The following LRMDA variants were observed in gnomAD, a reference collection of about 807,000 sequenced individuals.
LRMDA encodes leucine-rich melanocyte differentiation-associated protein.
LRMDA carries 18 observed loss-of-function variants against 29.8 expected under a neutral mutation model. The observed-to-expected ratio is 0.60, with a 90% CI of 0.42 to 0.90. LRMDA has a LOEUF of 0.90. Ranked by LOEUF, LRMDA falls within the 40% of genes least tolerant of loss-of-function variation. The pLI, the probability that LRMDA is intolerant of heterozygous loss-of-function variation, is 0.00. For missense variants in LRMDA, 273 were observed against 273.9 expected, an observed-to-expected ratio of 1.00 and a Z score of 0.02; for synonymous variants, 125 against 109.4, an observed-to-expected ratio of 1.14 and a Z score of -0.89.
intron 2 of LRMDA, among the ~76,000 whole-genome samples, chr10:75,906,097 C>A (rs1032346140): frequency 6.6e-6 from 1 of 151,530 alleles, no homozygotes; most frequent in African/African-American, 2.4e-5. Context: ...AAGACTCTCC[C>A]CTGCCTCTGT....
At chr10:76,064,311 C>A (rs1848749442) in intron 5 of LRMDA, among the ~76,000 whole-genome samples, 2 of 152,130 alleles carry the variant, frequency 1.3e-5, no homozygotes, top group East Asian at 1.9e-4. Context: ...CACGGGGAGG[C>A]AAGGGTGTGA....
intron 5 of LRMDA, among the ~76,000 whole-genome samples, chr10:76,085,160 A>G (rs1489691043): frequency 6.6e-6 from 1 of 152,176 alleles, no homozygotes; most frequent in Non-Finnish European, 1.5e-5. Flanking sequence ...GAGGTATTAC[A>G]AACCCCACCA....
At chr10:75,632,623 AAAG>A (rs1841337863) in intron 2 of LRMDA, among the ~76,000 whole-genome samples, 1 of 152,126 alleles carries the variant, frequency 6.6e-6, no homozygotes, top group South Asian at 2.1e-4. Flanking sequence ...GGATTAAAAA[AAAG>A]ATCAGATTTT....
At chr10:75,671,944 C>T (rs1038889453) in intron 2 of LRMDA, among the ~76,000 whole-genome samples, 2 of 152,192 alleles carry the variant, frequency 1.3e-5, no homozygotes, top group South Asian at 4.2e-4. Context: ...GATTTTCTCT[C>T]CACCCAATAG....
chr10:75,993,295 CTGA>C (rs1392893693), intron 2 of LRMDA, among the ~76,000 whole-genome samples: 1 of 152,060 alleles, frequency 6.6e-6, no homozygotes, highest in African/African-American at 2.4e-5. Flanking sequence ...CTCATTGCTG[CTGA>C]TGATGATGGA....
intron 6 of LRMDA, among the ~76,000 whole-genome samples, chr10:76,449,988 A>T (rs1842390341): frequency 6.6e-6 from 1 of 152,050 alleles, no homozygotes. Context: ...TTTCCTAAAA[A>T]GTTAATTGAT....
At chr10:76,293,660 A>C (rs1433128959) in intron 5 of LRMDA, among the ~76,000 whole-genome samples, 1 of 152,224 alleles carries the variant, frequency 6.6e-6, no homozygotes, top group African/African-American at 2.4e-5. Context: ...CTTTGTAATT[A>C]GTCAAATTAA....
At chr10:76,409,960 C>T (rs1238517561) in intron 6 of LRMDA, among the ~76,000 whole-genome samples, 1 of 152,060 alleles carries the variant, frequency 6.6e-6, no homozygotes. Context: ...ATGTAGAATC[C>T]AATTTTAAGC....
intron 2 of LRMDA, among the ~76,000 whole-genome samples, chr10:75,655,520 T>C (rs1407853368): frequency 6.6e-6 from 1 of 152,158 alleles, no homozygotes; most frequent in Non-Finnish European, 1.5e-5. Flanking sequence ...CAACTGATCA[T>C]TTGTGGTGTC....
chr10:76,282,980 G>C (rs1262448598), intron 5 of LRMDA, among the ~76,000 whole-genome samples: 1 of 152,140 alleles, frequency 6.6e-6, no homozygotes, highest in Non-Finnish European at 1.5e-5. Flanking sequence ...TTGGTATACA[G>C]AGGGAGAAAG....
At chr10:75,930,662 G>C (rs1358777074) in intron 2 of LRMDA, among the ~76,000 whole-genome samples, 1 of 152,178 alleles carries the variant, frequency 6.6e-6, no homozygotes, top group Non-Finnish European at 1.5e-5. Flanking sequence ...ATTTGTCAAA[G>C]TTGCTGAGAG....
Position 76,276,648 on chromosome 10 carries a change from AT to A in LRMDA, c.517-47745del, listed in dbSNP as rs142975764. Among the ~76,000 whole-genome samples, 760 of 151,862 alleles carry A rather than the reference AT, an allele frequency of 5.0e-3. 4 individuals carry two copies. The highest frequency in any genetic ancestry group is 0.018 in the African/African-American group (734 of 41,402). On this transcript the variant is annotated intron_variant, in intron 5 of 6. Transcript: ENST00000611255. The stretch of plus-strand genomic sequence containing the variant: ...AACATCTGAGCCATATATGTGGATT[AT>A]TTTTTTTACACAAATGTGACTAATA...
At chr10:75,829,703 C>T (rs1228882257) in intron 2 of LRMDA, among the ~76,000 whole-genome samples, 1 of 151,924 alleles carries the variant, frequency 6.6e-6, no homozygotes, top group Admixed American at 6.6e-5. Context: ...TCTATACTTC[C>T]CCTGGCTTGT....
intron 2 of LRMDA, among the ~76,000 whole-genome samples, chr10:75,949,783 C>T (rs906297988): frequency 3.9e-5 from 6 of 152,124 alleles, no homozygotes; most frequent in Non-Finnish European, 8.8e-5. Context: ...AGAGATGCAA[C>T]CTTCTATCTG....
intron 2 of LRMDA, among the ~76,000 whole-genome samples, chr10:75,877,568 C>T (rs541368359): frequency 6.6e-6 from 1 of 152,324 alleles, no homozygotes; most frequent in East Asian, 1.9e-4. Flanking sequence ...TTGAGTAGAA[C>T]ATGAGTGAAT....
At chr10:75,900,138 G>A (rs1271144954) in intron 2 of LRMDA, among the ~76,000 whole-genome samples, 6 of 152,126 alleles carry the variant, frequency 3.9e-5, no homozygotes, top group Non-Finnish European at 8.8e-5. Flanking sequence ...TACCAGAAGC[G>A]GACATATTTA....
At chr10:76,050,503 G>T (rs1197704362) in intron 4 of LRMDA, among the ~76,000 whole-genome samples, 5 of 152,198 alleles carry the variant, frequency 3.3e-5, no homozygotes, top group African/African-American at 9.7e-5. Flanking sequence ...ATAGTTCATG[G>T]CTGAGAAATG....
chr10:75,670,820 G>A (rs942949779), intron 2 of LRMDA, among the ~76,000 whole-genome samples: 1 of 152,176 alleles, frequency 6.6e-6, no homozygotes, highest in Non-Finnish European at 1.5e-5. Context: ...GGCCTTCTGA[G>A]GGGTGGAGTG....
chr10:75,807,463 G>A (rs1239736557), intron 2 of LRMDA, among the ~76,000 whole-genome samples: 1 of 152,178 alleles, frequency 6.6e-6, no homozygotes, highest in African/African-American at 2.4e-5. Context: ...CCTTCAAATG[G>A]CAAATTATTA....
Sources: allele counts gnomAD v4.1 joint callset (sites outside exome capture counted in the v4.1 genomes callset), GRCh38; gene constraint gnomAD v4.1.1; transcripts MANE v1.5; gene names NCBI Gene and HGNC (gene_info 2026-07-23, HGNC 2026-07-21).